Variants in PCCA observed in about 807,000 individuals in gnomAD.
PCCA encodes the protein propionyl-CoA carboxylase alpha chain, mitochondrial.
PCCA carries 74 observed loss-of-function variants against 101.3 expected under a neutral mutation model. The ratio of observed to expected loss-of-function variants is 0.73; its 90% CI spans 0.61 to 0.89. PCCA has a LOEUF of 0.89. PCCA is among the 40% of genes least tolerant of loss of function. The pLI is 0.00. For missense variants in PCCA, 891 were observed against 907.0 expected, an observed-to-expected ratio of 0.98 and a Z score of 0.23; for synonymous variants, 294 against 313.6, an observed-to-expected ratio of 0.94 and a Z score of 0.66.
At chr13:100,235,463 A>G (rs2060738347) in intron 7 of PCCA, among the ~76,000 whole-genome samples, 1 of 152,198 alleles carries the variant, frequency 6.6e-6, no homozygotes, top group African/African-American at 2.4e-5. Flanking sequence ...CTAGGAAAAC[A>G]TGACACATAA....
chr13:100,150,988 G>C (rs2053243289), intron 4 of PCCA: 2 of 1,518,618 alleles, frequency 1.3e-6, no homozygotes, highest in African/African-American at 2.7e-5. Context: ...GAGCCCTGTG[G>C]AGAGCAGAGA....
intron 7 of PCCA, among the ~76,000 whole-genome samples, chr13:100,227,563 A>G (rs996345990): frequency 9.2e-5 from 14 of 152,194 alleles, no homozygotes; most frequent in African/African-American, 3.4e-4. Context: ...AATAAAAGAA[A>G]TGGGTACTGG....
intron 19 of PCCA, among the ~76,000 whole-genome samples, chr13:100,401,501 C>A (rs1391817329): frequency 6.6e-6 from 1 of 152,182 alleles, no homozygotes; most frequent in Non-Finnish European, 1.5e-5. Flanking sequence ...CTTGGCCTCC[C>A]AAAGTGCTGG....
intron 11 of PCCA, among the ~76,000 whole-genome samples, chr13:100,269,845 T>C (rs2063187325): frequency 6.6e-6 from 1 of 152,246 alleles, no homozygotes; most frequent in African/African-American, 2.4e-5. Flanking sequence ...AAATATGGCA[T>C]GGTGTTATTA....
intron 21 of PCCA, among the ~76,000 whole-genome samples, chr13:100,502,425 G>A (rs1594036446): frequency 6.6e-6 from 1 of 152,266 alleles, no homozygotes; most frequent in Admixed American, 6.5e-5. Context: ...AGAATGGCTG[G>A]TACTCAGTAT....
intron 6 of PCCA, among the ~76,000 whole-genome samples, chr13:100,158,467 G>A (rs1286527468): frequency 6.6e-6 from 1 of 152,174 alleles, no homozygotes; most frequent in African/African-American, 2.4e-5. Context: ...AAGGCCTAAA[G>A]AGATATCCTG....
rs532729825 is a variant in PCCA at position 100,400,730 on chromosome 13, A to G, written c.1747-24903A>G. Among the ~76,000 whole-genome samples, 17 of 147,368 alleles carry G rather than the reference A, an allele frequency of 1.2e-4. No individual in the cohort carries two copies. The South Asian group carries it at 3.2e-3, about 28-fold the overall frequency. Reference sequence around the variant, plus strand: ...AACCTCCACCCACTGGGTTCAAGCGATTCTTCTGCCTCAGCCCCCTGAGTA... The same window carrying G: ...AACCTCCACCCACTGGGTTCAAGCGGTTCTTCTGCCTCAGCCCCCTGAGTA... On this transcript the variant is annotated intron_variant, in intron 19 of 23. Coordinates refer to ENST00000376285, the MANE Select transcript of PCCA (RefSeq NM_000282.4).
chr13:100,428,127 C>T (rs965926387), intron 20 of PCCA, among the ~76,000 whole-genome samples: 4 of 152,012 alleles, frequency 2.6e-5, no homozygotes, highest in African/African-American at 9.6e-5. Context: ...AGTGCAATGG[C>T]ACAATCTGGG....
intron 18 of PCCA, among the ~76,000 whole-genome samples, chr13:100,366,086 G>C (rs7997808): frequency 0.02 from 3,060 of 152,238 alleles, 96 homozygotes; most frequent in African/African-American, 0.067. Context: ...GGTAGAAAAC[G>C]ATCAAATGAT....
At chr13:100,326,017 C>A (rs565212482) in intron 16 of PCCA, among the ~76,000 whole-genome samples, 1 of 152,050 alleles carries the variant, frequency 6.6e-6, no homozygotes, top group Non-Finnish European at 1.5e-5. Context: ...TGGAAACGAT[C>A]GTTGACACTG....
intron 4 of PCCA, among the ~76,000 whole-genome samples, chr13:100,117,363 A>T (rs1269077966): frequency 6.6e-6 from 1 of 151,844 alleles, no homozygotes; most frequent in African/African-American, 2.4e-5. Context: ...CTTCACCTAG[A>T]TTCAGCAATT....
chr13:100,274,538 G>A (rs2063512586), intron 12 of PCCA, among the ~76,000 whole-genome samples: 1 of 152,116 alleles, frequency 6.6e-6, no homozygotes, highest in Non-Finnish European at 1.5e-5. Context: ...CCAGCCGAGT[G>A]GGTTCCTTCC....
chr13:100,498,193 C>T (rs1208245125), intron 21 of PCCA, among the ~76,000 whole-genome samples: 3 of 149,330 alleles, frequency 2.0e-5, no homozygotes, highest in Non-Finnish European at 3.0e-5. Flanking sequence ...TCATAGTTAT[C>T]GCCAGTTGCC....
At chr13:100,317,758 T>A (rs2067528838) in intron 16 of PCCA, among the ~76,000 whole-genome samples, 1 of 152,118 alleles carries the variant, frequency 6.6e-6, no homozygotes, top group Non-Finnish European at 1.5e-5. Context: ...AGCTAATTTT[T>A]TGTATTTATT....
intron 19 of PCCA, among the ~76,000 whole-genome samples, chr13:100,379,777 C>T (rs938045211): frequency 2.6e-5 from 4 of 152,098 alleles, no homozygotes; most frequent in Non-Finnish European, 5.9e-5. Flanking sequence ...AGGAACCACA[C>T]GGGGAAGACC....
chr13:100,383,457 A>G (rs554953745), intron 19 of PCCA, among the ~76,000 whole-genome samples: 1 of 151,916 alleles, frequency 6.6e-6, no homozygotes, highest in Non-Finnish European at 1.5e-5. Flanking sequence ...AAAATTTTAT[A>G]TGATTAGCCG....
At chr13:100,334,307 T>C (rs563032925) in intron 17 of PCCA, among the ~76,000 whole-genome samples, 5 of 152,182 alleles carry the variant, frequency 3.3e-5, no homozygotes, top group Non-Finnish European at 7.3e-5. Context: ...ATGAAGAAAG[T>C]ATTTACTGTA....
At chr13:100,398,627 C>T (rs2077171309) in intron 19 of PCCA, among the ~76,000 whole-genome samples, 1 of 151,922 alleles carries the variant, frequency 6.6e-6, no homozygotes, top group African/African-American at 2.4e-5. Flanking sequence ...CTTTTTTGTG[C>T]CAAATTTGGC....
intron 12 of PCCA, among the ~76,000 whole-genome samples, chr13:100,285,777 A>G (rs1292302645): frequency 6.6e-6 from 1 of 152,206 alleles, no homozygotes; most frequent in Non-Finnish European, 1.5e-5. Flanking sequence ...GCTGCCCGAG[A>G]TGATCTCGTA....
Sources: gnomAD v4.1 joint callset for allele counts (sites outside exome capture counted in the v4.1 genomes callset) on GRCh38, gnomAD v4.1.1 for gene constraint, MANE v1.5 for transcripts, NCBI Gene and HGNC (gene_info 2026-07-23, HGNC 2026-07-21) for gene names.